Variants in URI1 observed in about 807,000 individuals in gnomAD.
URI1 encodes the protein URI1 prefoldin like chaperone.
In URI1, 39 loss-of-function variants were observed where a neutral mutation model predicts 60.2. The ratio of observed to expected loss-of-function variants is 0.65; its 90% CI spans 0.50 to 0.85. The LOEUF (loss-of-function observed/expected upper bound fraction) is 0.85, where lower values mean the gene tolerates loss of function less well. URI1 is among the 40% of genes least tolerant of loss of function. URI1 has a pLI of 0.00. For synonymous variants in URI1, 251 were observed against 236.8 expected (o/e 1.06, Z -0.55); for missense variants, 691 against 665.9 (o/e 1.04, Z -0.42).
Position 29,948,248 on chromosome 19 carries a change from C to T in URI1, c.117+5584C>T, listed in dbSNP as rs183279980. On this transcript the variant is annotated intron_variant, in intron 1 of 10. Coordinates refer to ENST00000392271, the MANE Select transcript of URI1 (RefSeq NM_003796.3). Reference sequence around the variant, plus strand: ...TGCCTTTATTTTCTCCTTTCCAGTCCGTATGCTGTTTCTTTCTTTTTCTTG... The same window carrying T: ...TGCCTTTATTTTCTCCTTTCCAGTCTGTATGCTGTTTCTTTCTTTTTCTTG... Among the ~76,000 whole-genome samples, 47 of 152,212 alleles carry T rather than the reference C, an allele frequency of 3.1e-4. 1 individual carries two copies. In the East Asian group the frequency reaches 8.9e-3, roughly 29 times the overall value.
In URI1 at chr19:29,985,295, T is replaced by C. The variant is rs761818495; in HGVS notation, c.225T>C (p.Asn75=). 1.2e-6 allele frequency: 2 copies of C among 1,609,602 alleles called. No individual in the cohort carries two copies. Among genetic ancestry groups the C allele is most frequent in the Non-Finnish European group, 1.7e-6 (2 of 1,176,690 alleles). ...LSTLPDKLSY[N]IMVPFGPFAF... Reference sequence around the variant, plus strand: ...CCTTGCCTGATAAATTGTCTTATAATATAATGGTATGTTTGGTGTGTTTCT... The same window carrying C: ...CCTTGCCTGATAAATTGTCTTATAACATAATGGTATGTTTGGTGTGTTTCT... Residue 75 remains asparagine, a synonymous_variant, in exon 3 of 11, where the codon AAT becomes AAC. Coordinates refer to ENST00000392271, the MANE Select transcript of URI1 (RefSeq NM_003796.3).
intron 2 of URI1, chr19:29,980,412 T>G (rs975468246): frequency 6.6e-6 from 1 of 151,960 alleles, no homozygotes; most frequent in African/African-American, 2.4e-5. Context: ...TTATATATTG[T>G]ATATATTCCA....
chr19:29,950,028 G>GT (rs1275552006), intron 1 of URI1, among the ~76,000 whole-genome samples: 1 of 152,236 alleles, frequency 6.6e-6, no homozygotes, highest in African/African-American at 2.4e-5. Context: ...ATTCCGTTTT[G>GT]TAGGTAGGTG....
At chr19:29,953,770 G>A (rs888980977) in intron 1 of URI1, among the ~76,000 whole-genome samples, 1 of 151,548 alleles carries the variant, frequency 6.6e-6, no homozygotes, top group Admixed American at 6.6e-5. Context: ...GCAAGATGCA[G>A]GAAAAACATA....
chr19:29,979,640 A>G (rs1049074128), intron 2 of URI1, among the ~76,000 whole-genome samples: 2 of 152,154 alleles, frequency 1.3e-5, no homozygotes, highest in Non-Finnish European at 2.9e-5. Flanking sequence ...TGTTTCATTG[A>G]CTTGAAAAAT....
chr19:29,973,153 T>G (rs1599689303), intron 2 of URI1, among the ~76,000 whole-genome samples: 1 of 152,132 alleles, frequency 6.6e-6, no homozygotes. Flanking sequence ...GGAATTCTTG[T>G]GATATTTTTG....
At chr19:30,009,959 T>A (rs2055997248) in intron 8 of URI1, among the ~76,000 whole-genome samples, 1 of 152,150 alleles carries the variant, frequency 6.6e-6, no homozygotes, top group Admixed American at 6.5e-5. Flanking sequence ...CCTCCATACT[T>A]ACTGTAGAAT....
intron 2 of URI1, among the ~76,000 whole-genome samples, chr19:29,978,532 C>T (rs895193486): frequency 2.0e-5 from 3 of 150,892 alleles, no homozygotes; most frequent in Non-Finnish European, 3.0e-5. Context: ...CAATAAAACT[C>T]TTAAGCACAG....
chr19:29,942,680 G>C lies in URI1; in HGVS notation c.117+16G>C. 1 of 1,344,358 alleles carries C rather than the reference G, an allele frequency of 7.4e-7. No homozygotes were observed. Among genetic ancestry groups the C allele is most frequent in the Non-Finnish European group, 9.6e-7 (1 of 1,045,638 alleles). 83.3% of individuals were successfully genotyped at this position (1,344,358 alleles called of 1,614,324 possible). ...GCAGGAAAAGGTAACTAGCAGCCCCGCGCCGCTTCCGCCTCCGCCCGCCGG... is the reference window on the plus strand; with the variant it reads ...GCAGGAAAAGGTAACTAGCAGCCCCCCGCCGCTTCCGCCTCCGCCCGCCGG... On this transcript the variant is annotated intron_variant, in intron 1 of 10. Coordinates refer to ENST00000392271, the MANE Select transcript of URI1 (RefSeq NM_003796.3).
At chr19:29,956,339 T>A in intron 1 of URI1, 1 of 639,342 alleles carries the variant, frequency 1.6e-6, no homozygotes, top group South Asian at 1.7e-5. Flanking sequence ...TTTTATTGCA[T>A]CATTGAAATA....
intron 4 of URI1, among the ~76,000 whole-genome samples, chr19:29,994,833 G>A (rs913434572): frequency 2.7e-5 from 4 of 150,816 alleles, no homozygotes; most frequent in Non-Finnish European, 5.9e-5. Flanking sequence ...CAGGCTGGGA[G>A]TGCAGTGGTG....
At chr19:29,977,477 T>C (rs1044962840) in intron 2 of URI1, among the ~76,000 whole-genome samples, 3 of 151,946 alleles carry the variant, frequency 2.0e-5, no homozygotes, top group Non-Finnish European at 4.4e-5. Context: ...TTTCAGAGTC[T>C]GTATTTTACT....
At chr19:30,012,885 C>G (rs1192401587) in intron 10 of URI1, 1 of 176,396 alleles carries the variant, frequency 5.7e-6, no homozygotes. Context: ...TTACATTATT[C>G]TCTTTTAAAT....
At chr19:29,965,587 A>G (rs2055382372) in intron 1 of URI1, among the ~76,000 whole-genome samples, 1 of 152,202 alleles carries the variant, frequency 6.6e-6, no homozygotes, top group African/African-American at 2.4e-5. Context: ...TATGTTTACT[A>G]CATGGCCCTA....
chr19:29,986,263 C>CTT lies in URI1; in HGVS notation c.232-11_232-10dup. The stretch of plus-strand genomic sequence containing the variant: ...GTGTTTTATGTTTTTTCCCTTTTTT[C>CTT]TTTTTTTTTAAACAATAGGTACCAT... On this transcript the variant is annotated intron_variant, in intron 3 of 10. Coordinates refer to ENST00000392271, the MANE Select transcript of URI1 (RefSeq NM_003796.3). 2 of 1,509,308 alleles carry CTT rather than the reference C, an allele frequency of 1.3e-6. No homozygotes were observed. Among genetic ancestry groups the CTT allele is most frequent in the Non-Finnish European group, 1.8e-6 (2 of 1,133,228 alleles). 93.5% of individuals were successfully genotyped at this position (1,509,308 alleles called of 1,614,324 possible).
rs1350916366 is a variant in URI1 at position 30,012,275 on chromosome 19, A to C, written c.1179-10A>C. On this transcript the variant is annotated splice_polypyrimidine_tract_variant and intron_variant, in intron 9 of 10. Coordinates refer to ENST00000392271, the MANE Select transcript of URI1 (RefSeq NM_003796.3). ...GTATAGTGAATGCATATGTGTTTTG[A>C]ATATCACAGAGCCTTTGTTGATGTT... 1 of 1,607,294 alleles carries C rather than the reference A, an allele frequency of 6.2e-7. No homozygotes were observed.
intron 1 of URI1, among the ~76,000 whole-genome samples, chr19:29,969,981 A>G (rs1196277219): frequency 4.6e-5 from 7 of 152,046 alleles, no homozygotes; most frequent in Non-Finnish European, 1.0e-4. Flanking sequence ...GTTAATGTGT[A>G]GTATGGTTGG....
chr19:29,936,082 G>A lies in URI1; in HGVS notation c.63+12328G>A, dbSNP rs138377599. ...ATTATAGGCGTGAGCCACTGTGCCCGGCACTTAAAAAAAATTTTTTTTTGA... is the reference window on the plus strand; with the variant it reads ...ATTATAGGCGTGAGCCACTGTGCCCAGCACTTAAAAAAAATTTTTTTTTGA... On this transcript the variant is annotated intron_variant, in intron 1 of 10. Transcript: ENST00000360605. 2.5e-4 allele frequency among the ~76,000 whole-genome samples: 37 copies of A among 148,940 alleles called. No individual in the cohort carries two copies. The East Asian group carries it at 6.1e-3, about 25-fold the overall frequency.
At chr19:29,980,534 G>A (rs1304729627) in intron 2 of URI1, among the ~76,000 whole-genome samples, 1 of 145,804 alleles carries the variant, frequency 6.9e-6, no homozygotes, top group Non-Finnish European at 1.5e-5. Flanking sequence ...TTCCCCGTTA[G>A]GCATCTCACA....
Sources: gnomAD v4.1 joint callset for allele counts (sites outside exome capture counted in the v4.1 genomes callset) on GRCh38, gnomAD v4.1.1 for gene constraint, MANE v1.5 for transcripts, NCBI Gene and HGNC (gene_info 2026-07-23, HGNC 2026-07-21) for gene names.